Variants in FBXL7 observed in about 807,000 individuals in gnomAD.
FBXL7 encodes F-box/LRR-repeat protein 7.
FBXL7 carries 12 observed loss-of-function variants against 38.3 expected under a neutral mutation model. That is an observed-to-expected ratio of 0.31 (90% confidence interval 0.20 to 0.51). FBXL7 has a LOEUF of 0.51. Among genes scored for constraint, FBXL7 ranks in the 20% least tolerant of loss-of-function variants. The probability of loss-of-function intolerance (pLI) is 0.98; values close to 1 mark genes in which losing one functional copy is unlikely to be tolerated. For synonymous variants in FBXL7, 297 were observed against 300.9 expected, an observed-to-expected ratio of 0.99 and a Z score of 0.13; for missense variants, 567 against 676.4, an observed-to-expected ratio of 0.84 and a Z score of 1.79.
rs566576450 is a variant in FBXL7 at position 15,884,465 on chromosome 5, A to G, written c.128-43425A>G. 3.9e-5 allele frequency among the ~76,000 whole-genome samples: 6 copies of G among 151,988 alleles called. No homozygotes were observed. The South Asian group carries it at 1.3e-3, about 32-fold the overall frequency. The stretch of plus-strand genomic sequence containing the variant: ...GTATTTTTAGTAGAGATGGGGTTTC[A>G]CCGTGTTAGCCAAGATGGGATCAGG... On this transcript the variant is annotated intron_variant, in intron 2 of 3. Transcript: ENST00000504595.
intron 2 of FBXL7, among the ~76,000 whole-genome samples, chr5:15,725,626 A>C (rs34308971): frequency 1.3e-5 from 2 of 151,936 alleles, no homozygotes; most frequent in Non-Finnish European, 2.9e-5. Context: ...TAATGTTGGG[A>C]AGATTGTTTT....
chr5:15,899,442 T>G (rs564558964), intron 2 of FBXL7, among the ~76,000 whole-genome samples: 2 of 152,330 alleles, frequency 1.3e-5, no homozygotes, highest in South Asian at 4.1e-4. Context: ...CTGATTGAAA[T>G]GATAGCATGT....
chr5:15,514,385 G>T (rs992237852), intron 1 of FBXL7, among the ~76,000 whole-genome samples: 15 of 152,160 alleles, frequency 9.9e-5, no homozygotes, highest in African/African-American at 3.4e-4. Flanking sequence ...GATTTTTGAT[G>T]CCCCTCCCCC....
chr5:15,644,064 C>T (rs1352751970), intron 2 of FBXL7, among the ~76,000 whole-genome samples: 1 of 152,142 alleles, frequency 6.6e-6, no homozygotes, highest in African/African-American at 2.4e-5. Context: ...CAAGTCTGTC[C>T]TCCTTGAATA....
intron 1 of FBXL7, among the ~76,000 whole-genome samples, chr5:15,606,583 C>T (rs894968861): frequency 5.9e-5 from 9 of 152,162 alleles, no homozygotes; most frequent in African/African-American, 2.2e-4. Flanking sequence ...AGAAAGTACT[C>T]GTTAGAACAT....
chr5:15,802,384 GC>G (rs1355501292), intron 2 of FBXL7, among the ~76,000 whole-genome samples: 3 of 140,804 alleles, frequency 2.1e-5, no homozygotes, highest in African/African-American at 7.7e-5. Context: ...CCCCCACCCC[GC>G]CCCACCGTCC....
In FBXL7 at chr5:15,778,872, T is replaced by C. The variant is rs555292855; in HGVS notation, c.128-149018T>C. ...TGAAATTGATCATGAAAGGATAATC[T>C]TGCTAGGGATAATGTGTTTAATAGC... is the stretch of plus-strand genomic sequence containing the variant. On this transcript the variant is annotated intron_variant, in intron 2 of 3. Transcript: ENST00000504595. 2.6e-3 allele frequency among the ~76,000 whole-genome samples: 391 copies of C among 152,214 alleles called. 1 individual carries two copies. Among genetic ancestry groups the C allele is most frequent in the African/African-American group, 8.9e-3 (368 of 41,558 alleles).
At chr5:15,878,530 A>C (rs1202108014) in intron 2 of FBXL7, among the ~76,000 whole-genome samples, 1 of 152,188 alleles carries the variant, frequency 6.6e-6, no homozygotes, top group Non-Finnish European at 1.5e-5. Flanking sequence ...ATTTATAATT[A>C]ATTCTCAAAT....
chr5:15,577,921 T>C (rs1739022734), intron 1 of FBXL7, among the ~76,000 whole-genome samples: 1 of 152,208 alleles, frequency 6.6e-6, no homozygotes, highest in Non-Finnish European at 1.5e-5. Flanking sequence ...ATCTTGTTTG[T>C]TATGAAAAGA....
intron 2 of FBXL7, among the ~76,000 whole-genome samples, chr5:15,651,195 C>T (rs1580434463): frequency 1.3e-5 from 2 of 149,030 alleles, no homozygotes; most frequent in Non-Finnish European, 3.0e-5. Flanking sequence ...CTCATGGGTT[C>T]ACGCCATTCT....
chr5:15,519,611 T>C (rs1737044582), intron 1 of FBXL7, among the ~76,000 whole-genome samples: 1 of 152,178 alleles, frequency 6.6e-6, no homozygotes, highest in Non-Finnish European at 1.5e-5. Flanking sequence ...CGGAAGGAAG[T>C]TAGAATGTGA....
At chr5:15,665,367 G>A (rs76144411) in intron 2 of FBXL7, among the ~76,000 whole-genome samples, 22,745 of 152,036 alleles carry the variant, frequency 0.15, 2,021 homozygotes, top group East Asian at 0.44. Context: ...GACATTTTAC[G>A]TGATTTCTCT....
At position 15,634,313 on chromosome 5, in the gene FBXL7, C is replaced by CTTTT. The variant is rs57823645; in HGVS notation, c.127+18262_127+18265dup. ...AACCTAAAACTTTATATGTTCGTTTCTTTTTTTTTTTTTTTTTTTTTTTTA... is the reference window on the plus strand; with the variant it reads ...AACCTAAAACTTTATATGTTCGTTTCTTTTTTTTTTTTTTTTTTTTTTTTTTTTA... On this transcript the variant is annotated intron_variant, in intron 2 of 3. Transcript: ENST00000504595. Among the ~76,000 whole-genome samples, 64 of 112,250 alleles carry CTTTT rather than the reference C, an allele frequency of 5.7e-4. 1 individual carries two copies. Among genetic ancestry groups the CTTTT allele is most frequent in the South Asian group, 9.7e-4 (3 of 3,090 alleles). 73.6% of individuals were successfully genotyped at this position (112,250 alleles called of 152,430 possible). A position where few individuals can be genotyped will look rare whatever the true frequency, so the allele number is the denominator to read the frequency against.
intron 2 of FBXL7, among the ~76,000 whole-genome samples, chr5:15,617,932 G>C (rs749899415): frequency 6.6e-6 from 1 of 152,060 alleles, no homozygotes; most frequent in African/African-American, 2.4e-5. Flanking sequence ...TTAAAAGCAG[G>C]TTAAATAATC....
intron 2 of FBXL7, among the ~76,000 whole-genome samples, chr5:15,889,245 C>T (rs1011700682): frequency 6.6e-6 from 1 of 152,178 alleles, no homozygotes; most frequent in Non-Finnish European, 1.5e-5. Context: ...TAAAGATTCA[C>T]AGGCTGAGAG....
chr5:15,633,388 C>G (rs943712626), intron 2 of FBXL7, among the ~76,000 whole-genome samples: 7 of 152,128 alleles, frequency 4.6e-5, no homozygotes, highest in African/African-American at 1.7e-4. Flanking sequence ...ATCAATGTTT[C>G]TATTTCCCAT....
At chr5:15,765,648 A>C (rs1736567096) in intron 2 of FBXL7, among the ~76,000 whole-genome samples, 1 of 152,190 alleles carries the variant, frequency 6.6e-6, no homozygotes. Flanking sequence ...GAATGATAAA[A>C]TAGAGAGCTG....
chr5:15,588,416 G>T (rs9686800), intron 1 of FBXL7, among the ~76,000 whole-genome samples: 17,848 of 141,080 alleles, frequency 0.13, 1,134 homozygotes, highest in Middle Eastern at 0.14. Flanking sequence ...ATGGAGTTTC[G>T]CTCTTCATTG....
At chr5:15,605,746 T>G (rs902338336) in intron 1 of FBXL7, among the ~76,000 whole-genome samples, 1 of 152,278 alleles carries the variant, frequency 6.6e-6, no homozygotes, top group South Asian at 2.1e-4. Flanking sequence ...GTTATGTACA[T>G]TTTACCACAA....
Sources: allele counts gnomAD v4.1 joint callset (sites outside exome capture counted in the v4.1 genomes callset), GRCh38; gene constraint gnomAD v4.1.1; transcripts MANE v1.5; gene names NCBI Gene and HGNC (gene_info 2026-07-23, HGNC 2026-07-21).